GMNN: variants seen among roughly 807,000 people sequenced by gnomAD.
GMNN encodes geminin.
GMNN carries 14 observed loss-of-function variants against 20.9 expected under a neutral mutation model. The ratio of observed to expected loss-of-function variants is 0.67; its 90% CI spans 0.44 to 1.05. The LOEUF is 1.05. Among genes scored for constraint, GMNN ranks in the 50% least tolerant of loss-of-function variants. GMNN has a pLI of 0.00. For synonymous variants in GMNN, 81 were observed against 85.8 expected (o/e 0.94, Z 0.31); for missense variants, 227 against 243.8 (o/e 0.93, Z 0.46).
chr6:24,784,231 A>G (rs1320548124), intron 5 of GMNN, 62 bp downstream of exon 5: 2 of 902,580 alleles, frequency 2.2e-6, no homozygotes, highest in African/African-American at 1.7e-5. Context: ...GCTGCTTAGC[A>G]TATTTTATTA....
chr6:24,779,250 A>G (rs571405348), intron 2 of GMNN, among the ~76,000 whole-genome samples: 6 of 152,224 alleles, frequency 3.9e-5, no homozygotes, highest in Non-Finnish European at 7.3e-5. Flanking sequence ...TTAAGAGTCT[A>G]TTATTCCAAT....
intron 6 of GMNN, 75 bp downstream of exon 6, chr6:24,784,629 T>G (rs1350441614): frequency 7.5e-6 from 5 of 663,250 alleles, no homozygotes; most frequent in Middle Eastern, 2.9e-4. Flanking sequence ...GTGTGATCAC[T>G]TTGAAGTGTT....
At chr6:24,782,531 A>G (rs1272512416) in intron 4 of GMNN, among the ~76,000 whole-genome samples, 2 of 152,228 alleles carry the variant, frequency 1.3e-5, no homozygotes, top group East Asian at 3.8e-4. Flanking sequence ...GAAGACAGGA[A>G]GAAGAGAAAT....
chr6:24,785,242 G>C (rs915525380), intron 6 of GMNN, among the ~76,000 whole-genome samples: 1 of 152,076 alleles, frequency 6.6e-6, no homozygotes, highest in Non-Finnish European at 1.5e-5. Context: ...TTTTACATTT[G>C]AGATCCATGA....
chr6:24,777,188 G>A (rs541320008), intron 1 of GMNN, 34 bp from the exon 2 acceptor site: 28 of 679,112 alleles, frequency 4.1e-5, no homozygotes, highest in East Asian at 2.3e-4. Flanking sequence ...CTCCACCTTC[G>A]GGGGTGCAAA....
chr6:24,777,304 G>A lies in GMNN; in HGVS notation c.51+7G>A. On this transcript the variant is annotated splice_region_variant and intron_variant, in intron 2 of 6. Coordinates refer to ENST00000230056, the MANE Select transcript of GMNN (RefSeq NM_015895.5). Reference sequence around the variant, plus strand: ...AATCAAAGAGAATATAAAGGTATGTGATTGAATAACTTTAATTTTTTTTTG... The same window carrying A: ...AATCAAAGAGAATATAAAGGTATGTAATTGAATAACTTTAATTTTTTTTTG... 1 of 1,129,830 alleles carries A rather than the reference G, an allele frequency of 8.9e-7. No homozygotes were observed. The highest frequency in any genetic ancestry group is 1.3e-6 in the Non-Finnish European group (1 of 784,382). 70.0% of individuals were successfully genotyped at this position (1,129,830 alleles called of 1,614,324 possible). A position where few individuals can be genotyped will look rare whatever the true frequency, so the allele number is the denominator to read the frequency against.
At position 24,784,079 on chromosome 6, in the gene GMNN, T is replaced by TA; in HGVS notation, c.275-7dup. ...ATTTTTAAAGTTATATTTAAAATAT[T>TA]ATTTTAGAAAATCCATCCTCTCAGT... On this transcript the variant is annotated splice_polypyrimidine_tract_variant and splice_region_variant and intron_variant, in intron 4 of 6. Coordinates refer to ENST00000230056, the MANE Select transcript of GMNN (RefSeq NM_015895.5). 7.7e-7 allele frequency: 1 copy of TA among 1,292,762 alleles called. No homozygotes were observed. The highest frequency in any genetic ancestry group is 1.1e-6 in the Non-Finnish European group (1 of 906,274). The allele number at this position is 1,292,762 out of a possible 1,614,324, so 80.1% of individuals were successfully genotyped here. A position where few individuals can be genotyped will look rare whatever the true frequency, so the allele number is the denominator to read the frequency against.
rs941708618 is a variant in GMNN, at chr6:24,781,153, G to A, written c.130-324G>A. ...TGGGAGGTGGAGGTTGCAGTGAGCCGAGGTCACACCACTGCACTCCAGCTT... is the reference window on the plus strand; with the variant it reads ...TGGGAGGTGGAGGTTGCAGTGAGCCAAGGTCACACCACTGCACTCCAGCTT... On this transcript the variant is annotated intron_variant, in intron 3 of 6. Coordinates refer to ENST00000230056, the MANE Select transcript of GMNN (RefSeq NM_015895.5). Among the ~76,000 whole-genome samples the A allele has an allele frequency of 7.9e-5, 12 of 152,082 alleles. 1 individual carries two copies. The East Asian group carries it at 9.7e-4, about 12-fold the overall frequency.
chr6:24,780,766 G>GCACTATATGGC (rs1780191901), intron 3 of GMNN, 26 bp downstream of exon 3: 2 of 1,089,952 alleles, frequency 1.8e-6, no homozygotes, highest in Admixed American at 1.7e-5. Flanking sequence ...CTAAAATGGG[G>GCACTATATGGC]TACTGGTGAT....
At chr6:24,783,513 A>G (rs1780271897) in intron 4 of GMNN, among the ~76,000 whole-genome samples, 1 of 152,162 alleles carries the variant, frequency 6.6e-6, no homozygotes, top group African/African-American at 2.4e-5. Context: ...ATTTTGCTCT[A>G]CAGATCATTA....
At chr6:24,784,712 A>G (rs150942294) in intron 6 of GMNN, among the ~76,000 whole-genome samples, 158 bp downstream of exon 6, 3 of 152,226 alleles carry the variant, frequency 2.0e-5, no homozygotes, top group African/African-American at 4.8e-5. Flanking sequence ...TGCTGGGTAG[A>G]GTGGGTTTAT....
In GMNN at chr6:24,785,701, G is replaced by A; in HGVS notation, c.532G>A (p.Glu178Lys). The part of the protein sequence containing the change: ...SLDNQEFDSE[E>K]ETVEDSLVED... ...GGATAATCAGGAATTTGATTCTGAA[G>A]AAGAAACTGTTGAGGATTCTCTAGT... Residue 178 changes from glutamate to lysine, a missense_variant, in exon 7 of 7, where the codon GAA becomes AAA. Coordinates refer to ENST00000230056, the MANE Select transcript of GMNN (RefSeq NM_015895.5). 2.6e-6 allele frequency: 4 copies of A among 1,563,510 alleles called. No homozygotes were observed. Among genetic ancestry groups the A allele is most frequent in the Non-Finnish European group, 3.5e-6 (4 of 1,139,880 alleles).
At chr6:24,778,105 A>G (rs1261600282) in intron 2 of GMNN, among the ~76,000 whole-genome samples, 1 of 152,204 alleles carries the variant, frequency 6.6e-6, no homozygotes, top group African/African-American at 2.4e-5. Flanking sequence ...TATGGTTCTA[A>G]GTTAATTTAC....
intron 2 of GMNN, among the ~76,000 whole-genome samples, chr6:24,779,732 A>G (rs1050471314): frequency 2.0e-5 from 3 of 152,246 alleles, no homozygotes; most frequent in East Asian, 1.9e-4. Context: ...TGGTGGCAGT[A>G]TAACTAATGA....
At chr6:24,781,032 C>T (rs1351337415) in intron 3 of GMNN, among the ~76,000 whole-genome samples, 1 of 152,002 alleles carries the variant, frequency 6.6e-6, no homozygotes. Context: ...GAAACCCCAT[C>T]TCTACTAAAA....
intron 3 of GMNN, 50 bp downstream of exon 3, chr6:24,780,790 C>A (rs141884336): frequency 2.4e-6 from 2 of 850,048 alleles, no homozygotes; most frequent in South Asian, 1.4e-5. Flanking sequence ...GTGTCTACAT[C>A]GAAAACATTT....
chr6:24,776,985 T>C (rs1383473663), intron 1 of GMNN: 1 of 270,864 alleles, frequency 3.7e-6, no homozygotes, highest in Non-Finnish European at 6.9e-6. Context: ...TAGAAATTGG[T>C]TTAAAATACA....
In GMNN at chr6:24,783,577, C is replaced by A. The variant is rs147791057; in HGVS notation, c.275-510C>A. Among the ~76,000 whole-genome samples the A allele has an allele frequency of 4.0e-3, 610 of 152,170 alleles. 7 individuals carry two copies. The highest frequency in any genetic ancestry group is 0.014 in the African/African-American group (564 of 41,548). ...TACAAGGCAGAAATCTGATAGATAGCATCTTAATCAAATGATCAAATTTAA... is the reference window on the plus strand; with the variant it reads ...TACAAGGCAGAAATCTGATAGATAGAATCTTAATCAAATGATCAAATTTAA... On this transcript the variant is annotated intron_variant, in intron 4 of 6. Coordinates refer to ENST00000230056, the MANE Select transcript of GMNN (RefSeq NM_015895.5).
At chr6:24,785,526 G>T in intron 6 of GMNN, 112 bp from the exon 7 acceptor site, 1 of 516,844 alleles carries the variant, frequency 1.9e-6, no homozygotes, top group East Asian at 3.4e-5. Context: ...GGGGCAAGAT[G>T]AAAAAAATCT....
Sources: allele counts gnomAD v4.1 joint callset (sites outside exome capture counted in the v4.1 genomes callset), GRCh38; gene constraint gnomAD v4.1.1; transcripts MANE v1.5; gene names NCBI Gene and HGNC (gene_info 2026-07-23, HGNC 2026-07-21).